The following LRRTM4 variants were observed in gnomAD, a reference collection of about 807,000 sequenced individuals.
LRRTM4 encodes leucine rich repeat transmembrane neuronal 4.
LRRTM4 carries 25 observed loss-of-function variants against 47.6 expected under a neutral mutation model. The ratio of observed to expected loss-of-function variants is 0.53; its 90% CI spans 0.38 to 0.73. The LOEUF is 0.73. Ranked by LOEUF, LRRTM4 falls within the 30% of genes least tolerant of loss-of-function variation. The pLI is 0.00. For missense variants in LRRTM4, 638 were observed against 713.4 expected (o/e 0.89, Z 1.20); for synonymous variants, 311 against 269.5 (o/e 1.15, Z -1.51).
At chr2:76,788,269 G>C (rs567546711) in intron 3 of LRRTM4, among the ~76,000 whole-genome samples, 78 of 152,308 alleles carry the variant, frequency 5.1e-4, no homozygotes, top group Non-Finnish European at 9.3e-4. Context: ...TAGCGGTTGA[G>C]AGGGGACAAC....
chr2:77,047,383 C>T (rs1679269819), intron 3 of LRRTM4, among the ~76,000 whole-genome samples: 1 of 151,976 alleles, frequency 6.6e-6, no homozygotes, highest in Non-Finnish European at 1.5e-5. Flanking sequence ...GCTTAAATAA[C>T]AGATATTTAT....
intron 3 of LRRTM4, among the ~76,000 whole-genome samples, chr2:77,210,558 T>C (rs1433409307): frequency 2.0e-5 from 3 of 152,182 alleles, no homozygotes; most frequent in South Asian, 4.1e-4. Context: ...ATATCCATTT[T>C]ATATCCATTT....
At chr2:77,201,846 A>T (rs188682201) in intron 3 of LRRTM4, among the ~76,000 whole-genome samples, 133 of 152,232 alleles carry the variant, frequency 8.7e-4, no homozygotes, top group African/African-American at 3.2e-3. Context: ...TCAAATTTCT[A>T]AATGTGATTT....
intron 3 of LRRTM4, among the ~76,000 whole-genome samples, chr2:77,016,571 C>T (rs1678079267): frequency 6.6e-6 from 1 of 152,032 alleles, no homozygotes; most frequent in African/African-American, 2.4e-5. Context: ...CTTTCCACAT[C>T]CATTTGCAGC....
At chr2:77,229,550 C>G (rs928786995) in intron 3 of LRRTM4, among the ~76,000 whole-genome samples, 1 of 152,034 alleles carries the variant, frequency 6.6e-6, no homozygotes, top group Admixed American at 6.6e-5. Context: ...CAGAATTACC[C>G]GGCATCCTTA....
At chr2:76,769,548 G>T (rs989301308) in intron 3 of LRRTM4, among the ~76,000 whole-genome samples, 6 of 151,546 alleles carry the variant, frequency 4.0e-5, no homozygotes, top group African/African-American at 1.5e-4. Flanking sequence ...AAATAATAAC[G>T]AAAACAATAA....
intron 3 of LRRTM4, among the ~76,000 whole-genome samples, chr2:76,955,823 AT>A (rs1675655750): frequency 6.6e-6 from 1 of 151,772 alleles, no homozygotes; most frequent in Admixed American, 6.6e-5. Context: ...CAGTACCTTG[AT>A]TTTAGACTTC....
intron 3 of LRRTM4, among the ~76,000 whole-genome samples, chr2:77,128,011 C>T (rs376502928): frequency 2.8e-4 from 42 of 152,062 alleles, no homozygotes; most frequent in East Asian, 9.7e-4. Flanking sequence ...GGCGTAGTGG[C>T]GCACGCCTGT....
chr2:77,084,603 G>T (rs1248445286), intron 3 of LRRTM4, among the ~76,000 whole-genome samples: 1 of 152,122 alleles, frequency 6.6e-6, no homozygotes, highest in East Asian at 1.9e-4. Context: ...ACATGTAATG[G>T]TTAAGAGTAT....
chr2:76,819,288 A>G (rs2103852453), intron 3 of LRRTM4, among the ~76,000 whole-genome samples: 1 of 151,986 alleles, frequency 6.6e-6, no homozygotes, highest in East Asian at 1.9e-4. Context: ...TTCTCATTAT[A>G]CAGATGAGGA....
rs913331491 is a variant in LRRTM4 at position 77,219,307 on chromosome 2, C to T, written c.1551+299011G>A. ...TCTGGTTATGTTTGCATCTACTTTGCCTATATAAGGGGTTTGTACTGATCA... is the reference window on the plus strand; with the variant it reads ...TCTGGTTATGTTTGCATCTACTTTGTCTATATAAGGGGTTTGTACTGATCA... On this transcript the variant is annotated intron_variant, in intron 3 of 3. Coordinates refer to ENST00000409884, the MANE Select transcript of LRRTM4 (RefSeq NM_001134745.3). Among the ~76,000 whole-genome samples the T allele has an allele frequency of 8.5e-5, 13 of 152,154 alleles. No homozygotes were observed. The East Asian group carries it at 1.9e-3, about 23-fold the overall frequency.
At chr2:76,835,528 G>C (rs1671484559) in intron 3 of LRRTM4, among the ~76,000 whole-genome samples, 1 of 151,986 alleles carries the variant, frequency 6.6e-6, no homozygotes, top group Non-Finnish European at 1.5e-5. Flanking sequence ...TATTATTTTA[G>C]AGTTGTAATA....
At chr2:77,509,877 T>C (rs1678917575) in intron 3 of LRRTM4, among the ~76,000 whole-genome samples, 1 of 152,150 alleles carries the variant, frequency 6.6e-6, no homozygotes, top group African/African-American at 2.4e-5. Flanking sequence ...AGACCTCTTT[T>C]TCACCCCTTG....
intron 3 of LRRTM4, among the ~76,000 whole-genome samples, chr2:77,385,679 TTTG>T (rs2103801903): frequency 6.6e-6 from 1 of 151,752 alleles, no homozygotes; most frequent in Non-Finnish European, 1.5e-5. Context: ...GACTGTATTT[TTTG>T]TTTTCTCTTC....
intron 3 of LRRTM4, among the ~76,000 whole-genome samples, chr2:76,783,415 C>T (rs1350852048): frequency 1.3e-5 from 2 of 151,886 alleles, no homozygotes; most frequent in South Asian, 2.1e-4. Context: ...CCATTTTAAT[C>T]GTGTTTAAGT....
At chr2:77,437,955 T>A (rs2103920740) in intron 3 of LRRTM4, among the ~76,000 whole-genome samples, 1 of 152,300 alleles carries the variant, frequency 6.6e-6, no homozygotes, top group South Asian at 2.1e-4. Flanking sequence ...ATCACAAGAT[T>A]ATTATCAAGT....
chr2:77,496,847 G>A (rs534194430), intron 3 of LRRTM4, among the ~76,000 whole-genome samples: 215 of 151,524 alleles, frequency 1.4e-3, no homozygotes, highest in African/African-American at 4.4e-3. Flanking sequence ...CTTTTTTCAA[G>A]CCTCTTCAAC....
chr2:77,080,771 G>C (rs1680503524), intron 3 of LRRTM4, among the ~76,000 whole-genome samples: 1 of 152,028 alleles, frequency 6.6e-6, no homozygotes, highest in Non-Finnish European at 1.5e-5. Flanking sequence ...CCCTAGTCTG[G>C]GCCATCATCA....
intron 3 of LRRTM4, among the ~76,000 whole-genome samples, chr2:77,128,784 C>T (rs180999453): frequency 2.0e-5 from 3 of 151,986 alleles, no homozygotes; most frequent in Admixed American, 6.6e-5. Context: ...GGATTACAGG[C>T]GCCCACCACC....
Sources: gnomAD v4.1 joint callset for allele counts (sites outside exome capture counted in the v4.1 genomes callset) on GRCh38, gnomAD v4.1.1 for gene constraint, MANE v1.5 for transcripts, NCBI Gene and HGNC (gene_info 2026-07-23, HGNC 2026-07-21) for gene names.